The following TANGO6 variants were observed in gnomAD, a reference collection of about 807,000 sequenced individuals.
TANGO6 encodes the protein transport and golgi organization 6 homolog, also known as transport and Golgi organization protein 6 homolog.
A neutral mutation model predicts 114.2 loss-of-function variants in TANGO6; 90 were observed. The observed-to-expected ratio is 0.79, with a 90% confidence interval of 0.66 to 0.94. The LOEUF (loss-of-function observed/expected upper bound fraction) is 0.94. TANGO6 is among the 40% of genes least tolerant of loss of function. The probability of loss-of-function intolerance (pLI) is 0.00; values close to 1 mark genes in which losing one functional copy is unlikely to be tolerated. For missense variants in TANGO6, 1,274 were observed against 1,315.3 expected, an observed-to-expected ratio of 0.97 and a Z score of 0.49; for synonymous variants, 477 against 509.8, an observed-to-expected ratio of 0.94 and a Z score of 0.87.
Position 68,860,182 on chromosome 16 carries a change from C to T in TANGO6, c.393C>T (p.Ala131=), listed in dbSNP as rs770899129. ...PNPRTPEVAP[A]LSPDALSISQ... The stretch of plus-strand genomic sequence containing the variant: ...CTAGGACTCCGGAAGTTGCTCCTGC[C>T]CTGAGCCCCGATGCACTTAGTATCT... Residue 131 remains alanine, a synonymous_variant, in exon 2 of 18, where the codon GCC becomes GCT. Transcript: ENST00000261778. 2.5e-6 allele frequency: 4 copies of T among 1,613,882 alleles called. No homozygotes were observed. Among genetic ancestry groups the T allele is most frequent in the Non-Finnish European group, 3.4e-6 (4 of 1,179,908 alleles).
At chr16:68,985,687 T>C (rs1963882290) in intron 15 of TANGO6, among the ~76,000 whole-genome samples, 3 of 152,204 alleles carry the variant, frequency 2.0e-5, no homozygotes. Flanking sequence ...TACTCCAGCC[T>C]AGGTGACAGA....
intron 12 of TANGO6, among the ~76,000 whole-genome samples, chr16:68,923,096 C>T (rs1205416237): frequency 2.6e-5 from 4 of 151,316 alleles, no homozygotes; most frequent in Non-Finnish European, 5.9e-5. Context: ...TACGGTCATG[C>T]ACCACCACGC....
intron 3 of TANGO6, among the ~76,000 whole-genome samples, chr16:68,865,862 G>A (rs1032390628): frequency 8.6e-5 from 13 of 151,706 alleles, no homozygotes; most frequent in Non-Finnish European, 1.6e-4. Context: ...AGGTTGCAGC[G>A]AGCCGAGATC....
chr16:69,049,233 A>G (rs1388798190), intron 17 of TANGO6, among the ~76,000 whole-genome samples: 2 of 151,400 alleles, frequency 1.3e-5, no homozygotes, highest in Non-Finnish European at 2.9e-5. Flanking sequence ...CCACTCCCCA[A>G]TTCTCCTCTT....
chr16:68,882,454 A>G (rs562429014), intron 7 of TANGO6, among the ~76,000 whole-genome samples: 9 of 151,646 alleles, frequency 5.9e-5, no homozygotes, highest in East Asian at 2.0e-4. Flanking sequence ...CCGAGATCGC[A>G]CCACTGCACT....
At chr16:68,946,828 T>C (rs1189856957) in intron 14 of TANGO6, among the ~76,000 whole-genome samples, 1 of 152,220 alleles carries the variant, frequency 6.6e-6, no homozygotes, top group Non-Finnish European at 1.5e-5. Context: ...GCTTGCACTT[T>C]TGATATCATT....
intron 17 of TANGO6, among the ~76,000 whole-genome samples, chr16:69,051,545 T>G (rs927961547): frequency 2.2e-4 from 33 of 152,260 alleles, no homozygotes; most frequent in African/African-American, 7.9e-4. Context: ...TAACTGGGTG[T>G]GGTATTGGGT....
intron 2 of TANGO6, 114 bp downstream of exon 2, chr16:68,860,638 CCAAA>C: frequency 1.2e-5 from 16 of 1,315,476 alleles, no homozygotes; most frequent in Non-Finnish European, 1.5e-5. Flanking sequence ...ACTGGATATG[CCAAA>C]GCATATCCAA....
intron 16 of TANGO6, among the ~76,000 whole-genome samples, chr16:69,025,337 G>T (rs75429068): frequency 1.4e-3 from 214 of 152,316 alleles, no homozygotes; most frequent in African/African-American, 4.6e-3. Context: ...CTGGAGAGAG[G>T]ACATGAAGGG....
At chr16:69,009,157 C>A (rs1245704061) in intron 15 of TANGO6, among the ~76,000 whole-genome samples, 1 of 140,168 alleles carries the variant, frequency 7.1e-6, no homozygotes, top group African/African-American at 2.7e-5. Flanking sequence ...TCTCGGCTCA[C>A]TGAAATCTCC....
At chr16:69,080,655 G>C in intron 17 of TANGO6, among the ~76,000 whole-genome samples, 1 of 152,200 alleles carries the variant, frequency 6.6e-6, no homozygotes, top group East Asian at 1.9e-4. Context: ...AAGGGAAACA[G>C]CTAGGAGTCT....
intron 17 of TANGO6, among the ~76,000 whole-genome samples, chr16:69,050,083 G>A (rs1959924142): frequency 6.6e-6 from 1 of 152,014 alleles, no homozygotes; most frequent in African/African-American, 2.4e-5. Context: ...CATTTCTCTT[G>A]GGTATATACC....
intron 15 of TANGO6, among the ~76,000 whole-genome samples, chr16:68,987,600 C>T (rs1215207255): frequency 6.6e-6 from 1 of 152,170 alleles, no homozygotes; most frequent in Non-Finnish European, 1.5e-5. Context: ...AACTCCTGGG[C>T]TCAAGGGATC....
chr16:68,973,900 G>A, intron 14 of TANGO6, 128 bp from the exon 15 acceptor site: 2 of 1,076,688 alleles, frequency 1.9e-6, no homozygotes, highest in East Asian at 2.6e-5. Context: ...ACAATAGGCA[G>A]CCCTTGCTGG....
chr16:68,982,291 T>G (rs1219955770), intron 15 of TANGO6, among the ~76,000 whole-genome samples: 2 of 152,292 alleles, frequency 1.3e-5, no homozygotes, highest in East Asian at 1.9e-4. Context: ...TTGTATAATA[T>G]ACAACCTATG....
At chr16:68,921,743 A>T (rs981873326) in intron 12 of TANGO6, among the ~76,000 whole-genome samples, 4 of 151,018 alleles carry the variant, frequency 2.6e-5, no homozygotes, top group Admixed American at 6.6e-5. Context: ...GGCTGTGCAC[A>T]TTAGTTGTGT....
At chr16:69,048,852 G>A (rs1033944135) in intron 17 of TANGO6, among the ~76,000 whole-genome samples, 2 of 152,120 alleles carry the variant, frequency 1.3e-5, no homozygotes, top group African/African-American at 2.4e-5. Context: ...GAGAGAGCAG[G>A]GCCAAAAGTG....
rs750008178 is a variant in TANGO6, at chr16:68,902,426, T to C, written c.1589T>C (p.Val530Ala). 1.2e-6 allele frequency: 2 copies of C among 1,613,970 alleles called. No homozygotes were observed. Among genetic ancestry groups the C allele is most frequent in the South Asian group, 1.1e-5 (1 of 91,070 alleles). Residue 530 changes from valine (V) to alanine (A), a missense_variant, in exon 9 of 18, where the codon GTG (valine) becomes GCG (alanine). Physicochemically the swap from Val to Ala is moderately conservative, Grantham distance 64. Coordinates refer to ENST00000261778, the MANE Select transcript of TANGO6 (RefSeq NM_024562.2). ...LKGFAGLDKA[V>A]PSLHSLCQFR... ...GGATTTGCAGGGTTGGACAAAGCTGTGCCCTCTCTCCATTCTCTGTGTCAG... is the reference window on the plus strand; with the variant it reads ...GGATTTGCAGGGTTGGACAAAGCTGCGCCCTCTCTCCATTCTCTGTGTCAG...
At chr16:68,879,038 T>G (rs1364982202) in intron 6 of TANGO6, among the ~76,000 whole-genome samples, 1 of 152,128 alleles carries the variant, frequency 6.6e-6, no homozygotes, top group Admixed American at 6.6e-5. Context: ...ATCACACCTC[T>G]GCACTTTAGC....
Sources: allele counts gnomAD v4.1 joint callset (sites outside exome capture counted in the v4.1 genomes callset), GRCh38; gene constraint gnomAD v4.1.1; transcripts MANE v1.5; gene names NCBI Gene and HGNC (gene_info 2026-07-23, HGNC 2026-07-21).